Variants in BAAT observed in about 807,000 individuals in gnomAD.
BAAT encodes bile acid CoA: amino acid N-acyltransferase (glycine N-choloyltransferase).
In BAAT, 13 loss-of-function variants were observed where a neutral mutation model predicts 18.9. The observed-to-expected ratio is 0.69, with a 90% CI of 0.45 to 1.10. BAAT has a LOEUF of 1.10. Among genes scored for constraint, BAAT ranks in the 50% least tolerant of loss-of-function variants. The probability of loss-of-function intolerance (pLI) is 0.00; values close to 1 mark genes in which losing one functional copy is unlikely to be tolerated. For synonymous variants in BAAT, 170 were observed against 190.7 expected (o/e 0.89, Z 0.89); for missense variants, 489 against 504.0 (o/e 0.97, Z 0.28).
chr9:101,382,105 A>G (rs1165876317), intron 1 of BAAT, among the ~76,000 whole-genome samples: 1 of 152,204 alleles, frequency 6.6e-6, no homozygotes, highest in Non-Finnish European at 1.5e-5. Flanking sequence ...TGAGTGGGGC[A>G]GGAGAGGGTT....
chr9:101,372,534 T>C (rs907963349), intron 1 of BAAT, among the ~76,000 whole-genome samples: 6 of 151,874 alleles, frequency 4.0e-5, no homozygotes, highest in Non-Finnish European at 5.9e-5. Context: ...TTTTGATTAG[T>C]GTGAAGAAAG....
chr9:101,381,327 G>T (rs552668080), intron 1 of BAAT, among the ~76,000 whole-genome samples: 2 of 152,074 alleles, frequency 1.3e-5, no homozygotes, highest in South Asian at 2.1e-4. Flanking sequence ...GTTGAGACCA[G>T]CCTGGGCAAC....
At position 101,362,620 on chromosome 9, in the gene BAAT, T is replaced by C. The variant is rs762913537; in HGVS notation, c.1065A>G (p.Leu355=). The change falls in exon 4 of 4, where the codon CTA becomes CTG. Residue 355 remains leucine, a synonymous_variant. Transcript: ENST00000259407. ...TCAGGTGGCCTGCCCCAGGGTAAGA[T>C]AGCAGGGTCCAGTTGTTCTTCCCAT... is the stretch of plus-strand genomic sequence containing the variant. The part of the protein sequence containing the change: ...KRHGKNNWTL[L]SYPGAGHLIE... 26 of 1,614,016 alleles carry C rather than the reference T, an allele frequency of 1.6e-5. No homozygotes were observed. The highest frequency in any genetic ancestry group is 4.5e-5 in the East Asian group (2 of 44,882).
At position 101,363,232 on chromosome 9, in the gene BAAT, G is replaced by C. The variant is rs187023386; in HGVS notation, c.670-217C>G. On this transcript the variant is annotated intron_variant, in intron 3 of 3. Coordinates refer to ENST00000259407, the MANE Select transcript of BAAT (RefSeq NM_001701.4). The stretch of plus-strand genomic sequence containing the variant: ...TTACCGACTATATATTACGGATTCA[G>C]TATTGTGTTAGGTTCTGAGTTTAAA... Among the ~76,000 whole-genome samples, 37 of 152,344 alleles carry C rather than the reference G, an allele frequency of 2.4e-4. No individual in the cohort carries two copies. The East Asian group carries it at 7.1e-3, about 29-fold the overall frequency.
At chr9:101,364,004 G>A (rs1829782797) in intron 3 of BAAT, among the ~76,000 whole-genome samples, 1 of 152,084 alleles carries the variant, frequency 6.6e-6, no homozygotes, top group Non-Finnish European at 1.5e-5. Context: ...GTGAGACCCT[G>A]TCTCAAGAAA....
chr9:101,381,042 C>T lies in BAAT; in HGVS notation c.-60+3813G>A, dbSNP rs181188611. Among the ~76,000 whole-genome samples, 617 of 152,020 alleles carry T rather than the reference C, an allele frequency of 4.1e-3. 11 individuals carry two copies. Among genetic ancestry groups the T allele is most frequent in the Non-Finnish European group, 2.9e-3 (199 of 67,980 alleles). On this transcript the variant is annotated intron_variant, in intron 1 of 3. Transcript: ENST00000259407. ...AAAGTGCTGGGATTACAGGCATGAG[C>T]CACCGCACCTGGCTGTGTGTGTGTA...
chr9:101,368,306 T>A lies in BAAT; in HGVS notation c.483A>T (p.Pro161=), dbSNP rs1829870196. The A allele has an allele frequency of 6.2e-7, 1 of 1,612,048 alleles. No homozygotes were observed. Among genetic ancestry groups the A allele is most frequent in the South Asian group, 1.1e-5 (1 of 90,988 alleles). ...LFLPPGEGLF[P]GVIDLFGGLG... ...AACCACCAAACAAATCAATTACCCC[T>A]GGGAAGAGACCCTCTCCTGAAAAAT... The change falls in exon 3 of 4, where the codon CCA becomes CCT. Residue 161 remains proline, a synonymous_variant. Coordinates refer to ENST00000259407, the MANE Select transcript of BAAT (RefSeq NM_001701.4).
In BAAT at chr9:101,368,236, C is replaced by T. The variant is rs757104159; in HGVS notation, c.553G>A (p.Gly185Ser). Residue 185 changes from glycine (G) to serine (S), a missense_variant, in exon 3 of 4, where the codon GGC becomes AGC. Gly to Ser is a moderately conservative substitution (Grantham distance 56). Coordinates refer to ENST00000259407, the MANE Select transcript of BAAT (RefSeq NM_001701.4). ...TAAGCCAAGGCCAAGGAGGCGAAGC[C>T]ACGACTGGCTAGGAGGCTGGCCCGA... ...EFRASLLASR[G>S]FASLALAYHN... The T allele has an allele frequency of 3.7e-6, 6 of 1,613,836 alleles. No individual in the cohort carries two copies. The highest frequency in any genetic ancestry group is 5.1e-6 in the Non-Finnish European group (6 of 1,179,936).
chr9:101,372,372 G>A (rs1310379558), intron 1 of BAAT, among the ~76,000 whole-genome samples: 2 of 151,702 alleles, frequency 1.3e-5, no homozygotes, highest in Non-Finnish European at 2.9e-5. Flanking sequence ...GGGGTGGTGT[G>A]TGTATTGCTC....
intron 1 of BAAT, among the ~76,000 whole-genome samples, chr9:101,374,544 G>C (rs1332618841): frequency 6.6e-6 from 1 of 152,068 alleles, no homozygotes; most frequent in Non-Finnish European, 1.5e-5. Flanking sequence ...CAAGGCAACT[G>C]TATTTACTGC....
chr9:101,377,741 G>T (rs1564058553), intron 1 of BAAT, among the ~76,000 whole-genome samples: 1 of 152,110 alleles, frequency 6.6e-6, no homozygotes, highest in African/African-American at 2.4e-5. Flanking sequence ...CAAAGTATTG[G>T]AAGTTCTAGC....
At chr9:101,380,652 C>A (rs1830117358) in intron 1 of BAAT, among the ~76,000 whole-genome samples, 2 of 152,156 alleles carry the variant, frequency 1.3e-5, no homozygotes, top group South Asian at 4.1e-4. Flanking sequence ...GCCACAAGCT[C>A]CCATCAAAAT....
Position 101,371,046 on chromosome 9 carries a change from C to A in BAAT, c.359G>T (p.Ser120Ile), listed in dbSNP as rs1391958699. The A allele has an allele frequency of 6.2e-7, 1 of 1,614,110 alleles. No individual in the cohort carries two copies. The highest frequency in any genetic ancestry group is 2.2e-5 in the East Asian group (1 of 44,858). Residue 120 changes from serine (S) to isoleucine (I), a missense_variant, in exon 2 of 4, where the codon AGT becomes ATT. Physicochemically the swap from Ser to Ile is moderately radical, Grantham distance 142 (BLOSUM62 -2). Transcript: ENST00000259407. Reference protein sequence around the residue: ...LELIVNNKVASAPKASLTLER... With the variant: ...LELIVNNKVAIAPKASLTLER... The stretch of plus-strand genomic sequence containing the variant: ...CAAAGTCAGGCTGGCCTTTGGAGCA[C>A]TGGCAACTTTATTGTTCACTATTAA...
intron 1 of BAAT, among the ~76,000 whole-genome samples, chr9:101,377,482 T>A (rs545155329): frequency 2.9e-4 from 44 of 151,810 alleles, no homozygotes; most frequent in African/African-American, 1.1e-3. Flanking sequence ...GGGGGTGGAG[T>A]ACAGAAGTTC....
chr9:101,374,851 A>G (rs951761728), intron 1 of BAAT, among the ~76,000 whole-genome samples: 3 of 151,968 alleles, frequency 2.0e-5, no homozygotes, highest in Non-Finnish European at 2.9e-5. Context: ...AAAAAAAAAA[A>G]CCTTCAGAAA....
At position 101,362,803 on chromosome 9, in the gene BAAT, C is replaced by A. The variant is rs1204248287; in HGVS notation, c.882G>T (p.Glu294Asp). 6.2e-7 allele frequency: 1 copy of A among 1,614,024 alleles called. No individual in the cohort carries two copies. The highest frequency in any genetic ancestry group is 8.5e-7 in the Non-Finnish European group (1 of 1,180,032). The change falls in exon 4 of 4, where the codon GAG becomes GAT. Residue 294 changes from glutamate to aspartate, a missense_variant. Transcript: ENST00000259407. ...GAGTTGTCTCAAAAGTGCGATAGAG[C>A]TCTAGTAACCCCAAGGCATTGGTGG... is the stretch of plus-strand genomic sequence containing the variant. ...LISTNALGLL[E>D]LYRTFETTQV...
intron 1 of BAAT, among the ~76,000 whole-genome samples, chr9:101,380,821 T>C (rs1743579313): frequency 6.6e-6 from 1 of 152,188 alleles, no homozygotes; most frequent in Admixed American, 6.5e-5. Context: ...TGGTGCAATC[T>C]TGGCTCACTG....
At chr9:101,372,977 A>C (rs1285301161) in intron 1 of BAAT, among the ~76,000 whole-genome samples, 1 of 152,200 alleles carries the variant, frequency 6.6e-6, no homozygotes, top group Non-Finnish European at 1.5e-5. Context: ...TCAGGGGTGC[A>C]AGCTGAAAGA....
intron 3 of BAAT, among the ~76,000 whole-genome samples, chr9:101,364,413 C>G (rs1253465039): frequency 6.6e-6 from 1 of 152,194 alleles, no homozygotes; most frequent in Non-Finnish European, 1.5e-5. Flanking sequence ...TCAATCTAAT[C>G]TCCTTGATTG....
Sources: gnomAD v4.1 joint callset for allele counts (sites outside exome capture counted in the v4.1 genomes callset) on GRCh38, gnomAD v4.1.1 for gene constraint, MANE v1.5 for transcripts, NCBI Gene and HGNC (gene_info 2026-07-23, HGNC 2026-07-21) for gene names.